The following SSH2 variants were observed in gnomAD, a reference collection of about 807,000 sequenced individuals.
The protein encoded by SSH2 is protein phosphatase Slingshot homolog 2.
In SSH2, 37 loss-of-function variants were observed where a neutral mutation model predicts 135.2. That is an observed-to-expected ratio of 0.27 (90% CI 0.21 to 0.36). The LOEUF (loss-of-function observed/expected upper bound fraction) is 0.36, where lower values mean the gene tolerates loss of function less well. Among genes scored for constraint, SSH2 ranks in the 10% least tolerant of loss-of-function variants. The pLI is 1.00. For missense variants in SSH2, 1,408 were observed against 1,765.3 expected (o/e 0.80, Z 3.63); for synonymous variants, 628 against 646.2 (o/e 0.97, Z 0.43).
At chr17:29,651,023 G>A (rs1470236952) in intron 12 of SSH2, among the ~76,000 whole-genome samples, 2 of 152,142 alleles carry the variant, frequency 1.3e-5, no homozygotes, top group Non-Finnish European at 2.9e-5. Flanking sequence ...TAAGCAAAAA[G>A]TTATTCACCA....
At chr17:29,818,091 C>A (rs1413520873) in intron 2 of SSH2, among the ~76,000 whole-genome samples, 3 of 151,950 alleles carry the variant, frequency 2.0e-5, no homozygotes, top group Non-Finnish European at 4.4e-5. Context: ...TAAATCATCT[C>A]AAGATTACTT....
intron 2 of SSH2, among the ~76,000 whole-genome samples, chr17:29,794,679 A>C (rs2042127539): frequency 2.0e-5 from 3 of 152,214 alleles, no homozygotes; most frequent in Admixed American, 2.0e-4. Context: ...AAAATAATAG[A>C]AAGTCTTATA....
At chr17:29,674,602 T>C (rs1259978491) in intron 8 of SSH2, among the ~76,000 whole-genome samples, 1 of 152,160 alleles carries the variant, frequency 6.6e-6, no homozygotes, top group East Asian at 1.9e-4. Flanking sequence ...TTTTTCCCCC[T>C]GTGACTTCAA....
intron 11 of SSH2, among the ~76,000 whole-genome samples, chr17:29,659,616 C>G (rs373581664): frequency 6.6e-6 from 1 of 152,054 alleles, no homozygotes; most frequent in African/African-American, 2.4e-5. Flanking sequence ...CTCCACCTCC[C>G]GGGTTCATGC....
chr17:29,790,218 G>A (rs2042040395), intron 3 of SSH2, among the ~76,000 whole-genome samples: 2 of 152,160 alleles, frequency 1.3e-5, no homozygotes, highest in Non-Finnish European at 2.9e-5. Flanking sequence ...AGTGAGGCGA[G>A]GCCTTTGGGA....
intron 3 of SSH2, among the ~76,000 whole-genome samples, chr17:29,704,786 A>G (rs924808125): frequency 6.6e-6 from 1 of 151,978 alleles, no homozygotes; most frequent in Non-Finnish European, 1.5e-5. Context: ...AAATTATTTC[A>G]TATCAATAAA....
intron 2 of SSH2, among the ~76,000 whole-genome samples, chr17:29,815,811 T>C (rs1241012993): frequency 6.6e-6 from 1 of 152,144 alleles, no homozygotes. Context: ...TCCTATTCAA[T>C]GTCCTTTTTC....
At chr17:29,692,377 A>G (rs2038523712) in intron 5 of SSH2, among the ~76,000 whole-genome samples, 1 of 152,186 alleles carries the variant, frequency 6.6e-6, no homozygotes. Context: ...AATAAGCTGA[A>G]ACATAATGAC....
chr17:29,862,165 T>C (rs1225180238), intron 1 of SSH2, among the ~76,000 whole-genome samples: 1 of 152,226 alleles, frequency 6.6e-6, no homozygotes, highest in Non-Finnish European at 1.5e-5. Flanking sequence ...GGTTACTGAA[T>C]TTAACTGAGT....
At chr17:29,909,777 G>A (rs1405003222) in intron 1 of SSH2, among the ~76,000 whole-genome samples, 4 of 152,138 alleles carry the variant, frequency 2.6e-5, no homozygotes, top group African/African-American at 4.8e-5. Flanking sequence ...CACTGTATGA[G>A]TCACCTTAAA....
chr17:29,659,508 C>T (rs1306309046), intron 11 of SSH2, among the ~76,000 whole-genome samples: 1 of 152,110 alleles, frequency 6.6e-6, no homozygotes, highest in East Asian at 1.9e-4. Flanking sequence ...TTCATATCTT[C>T]TGAAAAGGCA....
chr17:29,842,680 A>C (rs2043063196), intron 2 of SSH2, among the ~76,000 whole-genome samples: 1 of 152,224 alleles, frequency 6.6e-6, no homozygotes, highest in Non-Finnish European at 1.5e-5. Flanking sequence ...TTACATCTTA[A>C]CCTGGAACAA....
intron 3 of SSH2, among the ~76,000 whole-genome samples, chr17:29,705,850 A>G (rs1032101990): frequency 2.6e-5 from 4 of 152,240 alleles, no homozygotes; most frequent in South Asian, 4.1e-4. Flanking sequence ...CCCAATTCCA[A>G]TCATACTCTA....
intron 3 of SSH2, among the ~76,000 whole-genome samples, chr17:29,747,639 C>T (rs2040805776): frequency 6.6e-6 from 1 of 152,198 alleles, no homozygotes; most frequent in African/African-American, 2.4e-5. Context: ...CTGTATCATT[C>T]AACGATGCAA....
At chr17:29,835,231 TTTC>T (rs1310433501) in intron 2 of SSH2, among the ~76,000 whole-genome samples, 3 of 152,332 alleles carry the variant, frequency 2.0e-5, no homozygotes, top group South Asian at 4.1e-4. Flanking sequence ...ACTGCTGTTA[TTTC>T]TTTGGGGCAA....
At chr17:29,673,918 T>C (rs1311650553) in intron 8 of SSH2, 1 of 323,544 alleles carries the variant, frequency 3.1e-6, no homozygotes, top group Non-Finnish European at 6.2e-6. Context: ...ATTCTATTTT[T>C]CAATCATTTG....
intron 3 of SSH2, among the ~76,000 whole-genome samples, chr17:29,719,077 A>ACACTGGGCGG (rs1366660749): frequency 6.6e-6 from 1 of 152,092 alleles, no homozygotes; most frequent in Non-Finnish European, 1.5e-5. Context: ...CTGGGCGGCA[A>ACACTGGGCGG]CAACCACTAT....
chr17:29,929,870 G>A (rs2067152557), intron 1 of SSH2, 68 bp downstream of exon 1: 4 of 1,456,504 alleles, frequency 2.7e-6, no homozygotes, highest in Non-Finnish European at 3.7e-6. Context: ...GCGTTCGGCG[G>A]GACCCGCTGA....
intron 3 of SSH2, among the ~76,000 whole-genome samples, chr17:29,772,855 A>T (rs542532668): frequency 2.6e-5 from 4 of 152,152 alleles, no homozygotes; most frequent in African/African-American, 9.6e-5. Context: ...CCAGGTCCTT[A>T]GGTCTTTGGC....
Sources: allele counts gnomAD v4.1 joint callset (sites outside exome capture counted in the v4.1 genomes callset), GRCh38; gene constraint gnomAD v4.1.1; transcripts MANE v1.5; gene names NCBI Gene and HGNC (gene_info 2026-07-23, HGNC 2026-07-21).